TMOD2: variants seen among roughly 807,000 people sequenced by gnomAD.
TMOD2 encodes the protein tropomodulin 2.
Under a neutral mutation model 39.9 loss-of-function variants are expected in TMOD2, and 22 were observed. The observed-to-expected ratio is 0.55, with a 90% CI of 0.39 to 0.79. The LOEUF is 0.79. Among genes scored for constraint, TMOD2 ranks in the 30% least tolerant of loss-of-function variants. The probability of loss-of-function intolerance (pLI) is 0.00; values close to 1 mark genes in which losing one functional copy is unlikely to be tolerated. For synonymous variants in TMOD2, 123 were observed against 146.1 expected, an observed-to-expected ratio of 0.84 and a Z score of 1.14; for missense variants, 386 against 413.3, an observed-to-expected ratio of 0.93 and a Z score of 0.57.
intron 8 of TMOD2, among the ~76,000 whole-genome samples, chr15:51,801,669 G>A (rs2056091324): frequency 1.3e-5 from 2 of 152,286 alleles, no homozygotes; most frequent in South Asian, 4.1e-4. Flanking sequence ...AACAATCGGT[G>A]ATGCATATTA....
intron 4 of TMOD2, among the ~76,000 whole-genome samples, chr15:51,774,745 C>G (rs980639199): frequency 1.3e-5 from 2 of 152,096 alleles, no homozygotes; most frequent in African/African-American, 4.8e-5. Flanking sequence ...ACCCACTGGT[C>G]TTAGCCCTGG....
chr15:51,790,151 C>G (rs540636287), intron 7 of TMOD2, among the ~76,000 whole-genome samples: 1 of 152,084 alleles, frequency 6.6e-6, no homozygotes, highest in East Asian at 1.9e-4. Context: ...CAAATAGATG[C>G]AATAAAAAAT....
At chr15:51,804,665 C>T (rs8041866) in intron 8 of TMOD2, among the ~76,000 whole-genome samples, 58,779 of 150,692 alleles carry the variant, frequency 0.39, 11,528 homozygotes, top group Middle Eastern at 0.44. Flanking sequence ...CTCCGCCTCC[C>T]GGGTTCAAGC....
chr15:51,751,671 T>TGACGG lies in TMOD2; in HGVS notation c.-110_-106dup. 1 of 164,206 alleles carries TGACGG rather than the reference T, an allele frequency of 6.1e-6. No homozygotes were observed. The highest frequency in any genetic ancestry group is 1.3e-5 in the Non-Finnish European group (1 of 76,602). 10.2% of individuals were successfully genotyped at this position (164,206 alleles called of 1,614,324 possible). A position where few individuals can be genotyped will look rare whatever the true frequency, so the allele number is the denominator to read the frequency against. On this transcript the variant is annotated 5_prime_UTR_variant, in exon 1 of 10. Coordinates refer to ENST00000249700, the MANE Select transcript of TMOD2 (RefSeq NM_014548.4). ...CCCCGCTCCACCGGGGCTGACGGAC[T>TGACGG]GACGGCCAGCACAGCCGGCTCCGGG...
chr15:51,785,800 A>G (rs2055965601), intron 7 of TMOD2, among the ~76,000 whole-genome samples: 2 of 152,172 alleles, frequency 1.3e-5, no homozygotes, highest in Admixed American at 6.5e-5. Flanking sequence ...AAGAATTGTA[A>G]TGTTCCCAAC....
intron 8 of TMOD2, 92 bp downstream of exon 8, chr15:51,798,432 C>CTG (rs1195212763): frequency 1.4e-6 from 2 of 1,415,744 alleles, no homozygotes; most frequent in African/African-American, 2.9e-5. Context: ...AGACACAGTT[C>CTG]TGTGTGTGAC....
Position 51,811,764 on chromosome 15 carries a change from T to A in TMOD2, c.*3310T>A, listed in dbSNP as rs2056158209. On this transcript the variant is annotated 3_prime_UTR_variant, in exon 10 of 10. Coordinates refer to ENST00000249700, the MANE Select transcript of TMOD2 (RefSeq NM_014548.4). ...ATGCTCTCTCCCCAGTCCTCTTCCCTTGTCCTTTTTAGAATTGCTGCAGGC... is the reference window on the plus strand; with the variant it reads ...ATGCTCTCTCCCCAGTCCTCTTCCCATGTCCTTTTTAGAATTGCTGCAGGC... 1 of 152,230 alleles carries A rather than the reference T, an allele frequency of 6.6e-6. No homozygotes were observed. Among genetic ancestry groups the A allele is most frequent in the Non-Finnish European group, 1.5e-5 (1 of 68,046 alleles). The allele number at this position is 152,230 out of a possible 1,614,324, so 9.4% of individuals were successfully genotyped here.
intron 7 of TMOD2, among the ~76,000 whole-genome samples, chr15:51,794,319 TC>T (rs2056032945): frequency 6.6e-6 from 1 of 152,254 alleles, no homozygotes; most frequent in South Asian, 2.1e-4. Context: ...TCCTGTCTTT[TC>T]CACTGTAAAA....
rs193268877 is a variant in TMOD2, at chr15:51,752,533, T to G, written c.-70+821T>G. ...ATTTAGGACGGGAATGAAAAGAAGA[T>G]CGGGGGAGGTGTTTTAAAAACCAGG... On this transcript the variant is annotated intron_variant, in intron 1 of 9. Transcript: ENST00000249700. 515 of 152,292 alleles carry G rather than the reference T, an allele frequency of 3.4e-3. 4 individuals are homozygous for G. The highest frequency in any genetic ancestry group is 5.6e-3 in the South Asian group (27 of 4,832). 9.4% of individuals were successfully genotyped at this position (152,292 alleles called of 1,614,324 possible). A position where few individuals can be genotyped will look rare whatever the true frequency, so the allele number is the denominator to read the frequency against.
At chr15:51,790,826 A>T (rs1455030117) in intron 7 of TMOD2, among the ~76,000 whole-genome samples, 4 of 152,214 alleles carry the variant, frequency 2.6e-5, no homozygotes, top group African/African-American at 9.6e-5. Context: ...AAAAACTCTC[A>T]ATCAACTAGG....
At chr15:51,782,493 C>A (rs1410636373) in intron 6 of TMOD2, among the ~76,000 whole-genome samples, 1 of 151,762 alleles carries the variant, frequency 6.6e-6, no homozygotes, top group African/African-American at 2.4e-5. Flanking sequence ...AACAGAAAGA[C>A]GACACTCAGA....
In TMOD2 at chr15:51,777,081, GA is replaced by G. The variant is rs1228350568; in HGVS notation, c.493+64del. 1.6e-5 allele frequency: 22 copies of G among 1,411,602 alleles called. No homozygotes were observed. The African/African-American group carries it at 3.0e-4, about 19-fold the overall frequency. 87.4% of individuals were successfully genotyped at this position (1,411,602 alleles called of 1,614,324 possible). A position where few individuals can be genotyped will look rare whatever the true frequency, so the allele number is the denominator to read the frequency against. On this transcript the variant is annotated intron_variant, in intron 5 of 9. Transcript: ENST00000249700. ...GGAGCCTCCAGAGTTGCTGGTAGGA[GA>G]GAGGCCTGTTGAGTCTTGCAGGCTT... is the stretch of plus-strand genomic sequence containing the variant.
intron 8 of TMOD2, among the ~76,000 whole-genome samples, chr15:51,805,754 T>G: frequency 6.6e-6 from 1 of 152,160 alleles, no homozygotes; most frequent in Admixed American, 6.5e-5. Context: ...ATGTACCCCA[T>G]AAATATTATA....
chr15:51,791,216 CAG>C (rs1203728338), intron 7 of TMOD2, among the ~76,000 whole-genome samples: 2 of 152,054 alleles, frequency 1.3e-5, no homozygotes, highest in South Asian at 2.1e-4. Context: ...CAAGAACAAA[CAG>C]AGAGCCAAAT....
intron 3 of TMOD2, among the ~76,000 whole-genome samples, chr15:51,773,387 G>A (rs963904659): frequency 6.6e-6 from 1 of 152,186 alleles, no homozygotes; most frequent in African/African-American, 2.4e-5. Context: ...TAAAGTGCAC[G>A]ACTCAGGGCA....
At chr15:51,807,481 G>A (rs1444524100) in intron 9 of TMOD2, among the ~76,000 whole-genome samples, 1 of 152,178 alleles carries the variant, frequency 6.6e-6, no homozygotes, top group Non-Finnish European at 1.5e-5. Context: ...GTGCTTACCT[G>A]GGGGGTGCAC....
chr15:51,776,400 C>T (rs183140180), intron 4 of TMOD2, among the ~76,000 whole-genome samples: 2 of 152,222 alleles, frequency 1.3e-5, no homozygotes, highest in East Asian at 3.9e-4. Context: ...TACAGGAAGC[C>T]GAAAATCAGT....
intron 9 of TMOD2, among the ~76,000 whole-genome samples, chr15:51,807,167 C>T (rs1179006281): frequency 6.6e-6 from 1 of 152,140 alleles, no homozygotes; most frequent in Non-Finnish European, 1.5e-5. Flanking sequence ...CAAAAGGACA[C>T]CCAGGAGCAG....
At chr15:51,771,542 C>G (rs8024589) in intron 3 of TMOD2, among the ~76,000 whole-genome samples, 72,624 of 152,006 alleles carry the variant, frequency 0.48, 17,625 homozygotes, top group Admixed American at 0.54. Context: ...GGGCATGCCT[C>G]TAATCCCAGC....
Sources: allele counts gnomAD v4.1 joint callset (sites outside exome capture counted in the v4.1 genomes callset), GRCh38; gene constraint gnomAD v4.1.1; transcripts MANE v1.5; gene names NCBI Gene and HGNC (gene_info 2026-07-23, HGNC 2026-07-21).